The following MACROD2 variants were observed in gnomAD, a reference collection of about 807,000 sequenced individuals.
The protein encoded by MACROD2 is ADP-ribose glycohydrolase MACROD2.
In MACROD2, 36 loss-of-function variants were observed where a neutral mutation model predicts 70.4. That is an observed-to-expected ratio of 0.51 (90% CI 0.39 to 0.68). MACROD2 has a LOEUF of 0.68. Ranked by LOEUF, MACROD2 falls within the 30% of genes least tolerant of loss-of-function variation. The pLI is 0.00. For synonymous variants in MACROD2, 172 were observed against 178.8 expected (o/e 0.96, Z 0.30); for missense variants, 496 against 538.4 (o/e 0.92, Z 0.78).
intron 2 of MACROD2, among the ~76,000 whole-genome samples, chr20:14,037,566 G>A (rs1375226751): frequency 6.6e-6 from 1 of 152,122 alleles, no homozygotes; most frequent in African/African-American, 2.4e-5. Context: ...CCAGCTCAAA[G>A]GAATGGATAT....
chr20:15,746,562 T>TAAAAA (rs536288457), intron 8 of MACROD2, among the ~76,000 whole-genome samples: 50 of 107,046 alleles, frequency 4.7e-4, no homozygotes, highest in Non-Finnish European at 5.7e-4. Flanking sequence ...TGGTTTCCAG[T>TAAAAA]AAAAAAAAAA....
At chr20:15,136,578 C>T (rs2076149736) in intron 5 of MACROD2, among the ~76,000 whole-genome samples, 1 of 152,122 alleles carries the variant, frequency 6.6e-6, no homozygotes, top group Non-Finnish European at 1.5e-5. Context: ...GGATTAAAGA[C>T]TTAAATGTTA....
At chr20:15,115,296 C>G (rs1459538200) in intron 5 of MACROD2, among the ~76,000 whole-genome samples, 1 of 152,100 alleles carries the variant, frequency 6.6e-6, no homozygotes, top group Non-Finnish European at 1.5e-5. Flanking sequence ...GTGGCACTAT[C>G]TTGGCTCACT....
At chr20:14,178,847 C>T (rs1480854569) in intron 3 of MACROD2, among the ~76,000 whole-genome samples, 1 of 149,848 alleles carries the variant, frequency 6.7e-6, no homozygotes, top group African/African-American at 2.5e-5. Context: ...TCAGTAACTT[C>T]CCCCTTTATC....
chr20:15,770,669 G>C (rs1386162527), intron 8 of MACROD2, among the ~76,000 whole-genome samples: 2 of 152,064 alleles, frequency 1.3e-5, no homozygotes, highest in Non-Finnish European at 2.9e-5. Context: ...TTACAATAAG[G>C]TTTTGTTTTT....
At chr20:15,130,445 A>C (rs2076096957) in intron 5 of MACROD2, among the ~76,000 whole-genome samples, 2 of 151,814 alleles carry the variant, frequency 1.3e-5, no homozygotes, top group Admixed American at 6.6e-5. Context: ...AACAAAATAA[A>C]ATCCTGAAAA....
intron 4 of MACROD2, among the ~76,000 whole-genome samples, chr20:14,652,320 ATATTTTATCTCATATAAC>A (rs1985718975): frequency 6.6e-6 from 1 of 152,172 alleles, no homozygotes; most frequent in Non-Finnish European, 1.5e-5. Context: ...TTTTACCATA[ATATTTTATCTCATATAAC>A]AAGAGCATGG....
chr20:15,208,634 G>A (rs570521126), intron 5 of MACROD2, among the ~76,000 whole-genome samples: 3 of 152,068 alleles, frequency 2.0e-5, no homozygotes, highest in African/African-American at 7.2e-5. Context: ...TTCCTCTTTC[G>A]GCTTCCTTTG....
chr20:14,846,967 A>C (rs2073148593), intron 5 of MACROD2, among the ~76,000 whole-genome samples: 1 of 152,186 alleles, frequency 6.6e-6, no homozygotes, highest in Non-Finnish European at 1.5e-5. Flanking sequence ...ATTTTTATAA[A>C]AGTTATGCCT....
intron 3 of MACROD2, among the ~76,000 whole-genome samples, chr20:14,281,078 A>G (rs1311957687): frequency 6.6e-6 from 1 of 152,216 alleles, no homozygotes; most frequent in Non-Finnish European, 1.5e-5. Context: ...AAATACTACT[A>G]GTCTTTACCC....
At chr20:15,255,284 A>T (rs894423688) in intron 6 of MACROD2, among the ~76,000 whole-genome samples, 5 of 152,042 alleles carry the variant, frequency 3.3e-5, no homozygotes, top group African/African-American at 1.2e-4. Context: ...CTAGTCTGTT[A>T]TGCATTTTTA....
At chr20:15,759,254 G>A (rs1343641743) in intron 8 of MACROD2, among the ~76,000 whole-genome samples, 2 of 151,602 alleles carry the variant, frequency 1.3e-5, no homozygotes, top group African/African-American at 2.4e-5. Context: ...TCCATAAGGA[G>A]CGTTTTCACT....
chr20:14,982,438 G>A (rs1280107344), intron 5 of MACROD2, among the ~76,000 whole-genome samples: 2 of 152,156 alleles, frequency 1.3e-5, no homozygotes, highest in African/African-American at 4.8e-5. Flanking sequence ...GCATGTCAGA[G>A]ACCTTTGTGG....
At chr20:15,171,934 G>A (rs1393652717) in intron 5 of MACROD2, among the ~76,000 whole-genome samples, 3 of 152,154 alleles carry the variant, frequency 2.0e-5, no homozygotes, top group Admixed American at 1.3e-4. Context: ...CATGGAAGGT[G>A]CTTATTAAAT....
intron 6 of MACROD2, among the ~76,000 whole-genome samples, chr20:15,295,305 A>G (rs552268769): frequency 3.0e-4 from 46 of 152,284 alleles, no homozygotes; most frequent in Admixed American, 2.4e-3. Flanking sequence ...CTTCATATCA[A>G]TATGAAAATA....
At chr20:16,040,899 A>G (rs2067298707) in intron 15 of MACROD2, among the ~76,000 whole-genome samples, 2 of 151,982 alleles carry the variant, frequency 1.3e-5, no homozygotes, top group Non-Finnish European at 2.9e-5. Context: ...CCCTAAATTT[A>G]AACTGTAGGT....
chr20:15,161,902 C>A (rs1456826417), intron 5 of MACROD2, among the ~76,000 whole-genome samples: 1 of 152,016 alleles, frequency 6.6e-6, no homozygotes, highest in Non-Finnish European at 1.5e-5. Flanking sequence ...TCTCTCCCTG[C>A]AGTTTGGAAT....
At chr20:14,087,176 C>T (rs1172619162) in intron 3 of MACROD2, among the ~76,000 whole-genome samples, 2 of 151,956 alleles carry the variant, frequency 1.3e-5, no homozygotes, top group Non-Finnish European at 2.9e-5. Flanking sequence ...GGGTAGATCA[C>T]TTGAAGGTAG....
intron 5 of MACROD2, among the ~76,000 whole-genome samples, chr20:14,701,672 G>A (rs1030760094): frequency 3.3e-5 from 5 of 152,120 alleles, no homozygotes; most frequent in Non-Finnish European, 7.4e-5. Flanking sequence ...ATGAGAGTCC[G>A]TGCAATTTTC....
Sources: allele counts gnomAD v4.1 joint callset (sites outside exome capture counted in the v4.1 genomes callset), GRCh38; gene constraint gnomAD v4.1.1; transcripts MANE v1.5; gene names NCBI Gene and HGNC (gene_info 2026-07-23, HGNC 2026-07-21).